EP400: variants seen among roughly 807,000 people sequenced by gnomAD.
EP400 encodes the protein E1A binding protein p400.
A neutral mutation model predicts 354.1 loss-of-function variants in EP400; 105 were observed. That is an observed-to-expected ratio of 0.30 (90% CI 0.25 to 0.35). The LOEUF is 0.35. Ranked by LOEUF, EP400 falls within the 10% of genes least tolerant of loss-of-function variation. EP400 has a pLI of 1.00. For synonymous variants in EP400, 1,646 were observed against 1,716.9 expected, an observed-to-expected ratio of 0.96 and a Z score of 1.02; for missense variants, 3,280 against 4,121.0, an observed-to-expected ratio of 0.80 and a Z score of 5.59.
Position 131,950,046 on chromosome 12 carries a change from G to A in EP400, c.-36+10G>A, listed in dbSNP as rs1405003063. On this transcript the variant is annotated intron_variant, in intron 1 of 52. Coordinates refer to ENST00000389561, the MANE Select transcript of EP400 (RefSeq NM_015409.5). ...AGCCCTGAGGCCCAGGGTAAGTGAGGGCGGAGGCGCGGGACGGGGGCGGGA... is the reference window on the plus strand; with the variant it reads ...AGCCCTGAGGCCCAGGGTAAGTGAGAGCGGAGGCGCGGGACGGGGGCGGGA... The A allele has an allele frequency of 6.6e-6, 1 of 151,876 alleles. No individual in the cohort carries two copies. The highest frequency in any genetic ancestry group is 1.5e-5 in the Non-Finnish European group (1 of 67,944). 9.4% of individuals were successfully genotyped at this position (151,876 alleles called of 1,614,324 possible).
At chr12:132,059,044 T>C (rs868091028) in intron 45 of EP400, among the ~76,000 whole-genome samples, 53 of 151,906 alleles carry the variant, frequency 3.5e-4, no homozygotes, top group African/African-American at 1.3e-3. Context: ...TAAAAATTTT[T>C]AAAGCTTCAA....
rs542519203 is a variant in EP400, at chr12:131,966,038, CAAAAAAAA to C, written c.1335+4092_1335+4099del. Among the ~76,000 whole-genome samples, 47 of 108,794 alleles carry C rather than the reference CAAAAAAAA, an allele frequency of 4.3e-4. 1 individual carries two copies. The highest frequency in any genetic ancestry group is 4.0e-3 in the Admixed American group (42 of 10,542). The allele number at this position is 108,794 out of a possible 152,430, so 71.4% of individuals were successfully genotyped here. On this transcript the variant is annotated intron_variant, in intron 2 of 52. Transcript: ENST00000389561. Reference sequence around the variant, plus strand: ...GTTTGGGTGGCTGGCTGGCTGATTTCAAAAAAAAAAAAAAAGAAAAACTAGGAATCAGA... The same window carrying C: ...GTTTGGGTGGCTGGCTGGCTGATTTCAAAAAAAGAAAAACTAGGAATCAGA...
chr12:131,973,651 T>A (rs1892373100), intron 2 of EP400, among the ~76,000 whole-genome samples: 1 of 152,054 alleles, frequency 6.6e-6, no homozygotes, highest in African/African-American at 2.4e-5. Flanking sequence ...TCAAAAAAAA[T>A]AAGACAGAGT....
Position 132,068,270 on chromosome 12 carries a change from G to C in EP400, c.8874+784G>C, listed in dbSNP as rs1895960337. On this transcript the variant is annotated intron_variant, in intron 50 of 52. Transcript: ENST00000389561. ...GGGAAGCCACATGGCTGTGTGGGGA[G>C]CTGCCCTGTTCCCTGAGCGCTGTGC... The C allele has an allele frequency of 2.0e-5, 3 of 152,622 alleles. No individual in the cohort carries two copies. The South Asian group carries it at 6.2e-4, about 32-fold the overall frequency. 9.5% of individuals were successfully genotyped at this position (152,622 alleles called of 1,614,324 possible). A position where few individuals can be genotyped will look rare whatever the true frequency, so the allele number is the denominator to read the frequency against.
chr12:131,961,976 GT>G, intron 2 of EP400, 22 bp downstream of exon 2: 1 of 1,594,118 alleles, frequency 6.3e-7, no homozygotes, highest in Non-Finnish European at 8.5e-7. Context: ...GAGTTAATTT[GT>G]TTAGTACAAA....
chr12:131,990,431 T>A lies in EP400; in HGVS notation c.2551-205T>A, dbSNP rs1892995822. Reference sequence around the variant, plus strand: ...GGTCGCTCGCTCACTTGCTTTCCTTTTTTGAAATTTTAATTCTTACCTCAC... The same window carrying A: ...GGTCGCTCGCTCACTTGCTTTCCTTATTTGAAATTTTAATTCTTACCTCAC... On this transcript the variant is annotated intron_variant, in intron 8 of 52. Transcript: ENST00000389561. This position sits in a 1 kb window ranked among gnomAD's most constrained non-coding sequence, Gnocchi z 4.2. Among the ~76,000 whole-genome samples, 1 of 152,178 alleles carries A rather than the reference T, an allele frequency of 6.6e-6. No individual in the cohort carries two copies. Among genetic ancestry groups the A allele is most frequent in the Non-Finnish European group, 1.5e-5 (1 of 68,030 alleles).
At chr12:132,077,094 A>G (rs1325803556) in intron 52 of EP400, among the ~76,000 whole-genome samples, 1 of 152,278 alleles carries the variant, frequency 6.6e-6, no homozygotes, top group African/African-American at 2.4e-5. Context: ...ACACTGGCAT[A>G]TAGATTTCAA....
Position 131,960,707 on chromosome 12 carries a change from G to GACCCCCCCCCCCCCCC in EP400, c.88_89insACCCCCCCCCCCCCCC (p.Ala30AspfsTer40). ...TGGCAGCGAGGGTGAGGAGCAGCCG[G>GACCCCCCCCCCCCCCC]CCCACCCCAACCCACCCCCGTCCCC... On this transcript the variant is annotated frameshift_variant, in exon 2 of 53. Transcript: ENST00000389561. LOFTEE classifies it high-confidence loss of function. The GACCCCCCCCCCCCCCC allele has an allele frequency of 1.3e-6, 2 of 1,545,590 alleles. No homozygotes were observed. Among genetic ancestry groups the GACCCCCCCCCCCCCCC allele is most frequent in the South Asian group, 1.2e-5 (1 of 83,348 alleles).
chr12:132,058,471 C>T (rs1454010466), intron 45 of EP400, among the ~76,000 whole-genome samples: 1 of 151,748 alleles, frequency 6.6e-6, no homozygotes, highest in Non-Finnish European at 1.5e-5. Context: ...TCTGCCTCAG[C>T]CTCCTGAGTA....
chr12:132,041,956 CT>C (rs60120894), intron 32 of EP400, among the ~76,000 whole-genome samples: 170 of 132,838 alleles, frequency 1.3e-3, no homozygotes, highest in Non-Finnish European at 1.4e-3. Context: ...TTTTCTTTTT[CT>C]TTTTTTTTTT....
chr12:132,021,220 G>T lies in EP400; in HGVS notation c.4589G>T (p.Gly1530Val). 6.3e-7 allele frequency: 1 copy of T among 1,587,430 alleles called. No homozygotes were observed. The change falls in exon 23 of 53, where the codon GGC becomes GTC. Residue 1530 changes from glycine (G) to valine (V), a missense_variant. Physicochemically the swap from Gly to Val is moderately radical, Grantham distance 109. This residue lies in a region of EP400 where 342 missense variants were observed against 342.7 expected (regional missense o/e 1.00). Transcript: ENST00000389561. Reference sequence around the variant, plus strand: ...ACCACAGCACAGGCCTCCACCCCAGGCCAGCCCCCGCCCCAGCCCCAGGCC... The same window carrying T: ...ACCACAGCACAGGCCTCCACCCCAGTCCAGCCCCCGCCCCAGCCCCAGGCC... ...AQTTAQASTP[G>V]QPPPQPQAPS...
chr12:132,009,094 G>A (rs1340709656), intron 15 of EP400, among the ~76,000 whole-genome samples: 3 of 149,554 alleles, frequency 2.0e-5, no homozygotes, highest in African/African-American at 7.4e-5. Flanking sequence ...ACAAAAAACT[G>A]GCTAAGTTTT....
Position 131,960,760 on chromosome 12 carries a change from C to T in EP400, c.141C>T (p.Ser47=), listed in dbSNP as rs1291720928. The T allele has an allele frequency of 4.4e-6, 7 of 1,609,132 alleles. No homozygotes were observed. The African/African-American group carries it at 8.2e-5, about 19-fold the overall frequency. Reference sequence around the variant, plus strand: ...CAGCTCCCTTCGCTCCCTCAGCAAGCCCGTCGGCACCCCAGTCTCCCAGTT... The same window carrying T: ...CAGCTCCCTTCGCTCCCTCAGCAAGTCCGTCGGCACCCCAGTCTCCCAGTT... The part of the protein sequence containing the change: ...SPAAPFAPSA[S]PSAPQSPSYQ... The change falls in exon 2 of 53, where the codon AGC becomes AGT. Residue 47 remains serine (S), a synonymous_variant. Coordinates refer to ENST00000389561, the MANE Select transcript of EP400 (RefSeq NM_015409.5).
intron 12 of EP400, among the ~76,000 whole-genome samples, chr12:132,000,768 C>G (rs578081360): frequency 6.6e-6 from 1 of 152,264 alleles, no homozygotes; most frequent in African/African-American, 2.4e-5. Context: ...CTTTTGTTAA[C>G]CCATTGATTA....
intron 30 of EP400, among the ~76,000 whole-genome samples, chr12:132,036,592 G>T (rs572566209): frequency 1.3e-5 from 2 of 152,274 alleles, no homozygotes; most frequent in Admixed American, 1.3e-4. Context: ...CCGCGGAAGC[G>T]CACACTGTCA....
intron 50 of EP400, chr12:132,069,220 A>C: frequency 4.8e-6 from 2 of 415,408 alleles, no homozygotes; most frequent in Non-Finnish European, 8.7e-6. Flanking sequence ...CAGCCCGACT[A>C]TTCAGGGAGC....
chr12:131,950,420 T>C (rs1891428108), intron 1 of EP400, among the ~76,000 whole-genome samples: 1 of 152,252 alleles, frequency 6.6e-6, no homozygotes, highest in Non-Finnish European at 1.5e-5. Flanking sequence ...CTCTTGCTCC[T>C]GGCGCTTGCG....
chr12:132,028,483 C>A (rs1240779557), intron 27 of EP400, among the ~76,000 whole-genome samples, 195 bp downstream of exon 27: 1 of 152,166 alleles, frequency 6.6e-6, no homozygotes. Flanking sequence ...GGTCTCAGTG[C>A]CAGGTGCGGC....
In EP400 at chr12:132,052,607, A is replaced by G. The variant is rs1042243970; in HGVS notation, c.7395-539A>G. 6.6e-6 allele frequency among the ~76,000 whole-genome samples: 1 copy of G among 152,218 alleles called. No individual in the cohort carries two copies. The highest frequency in any genetic ancestry group is 1.5e-5 in the Non-Finnish European group (1 of 68,042). On this transcript the variant is annotated intron_variant, in intron 41 of 52. Coordinates refer to ENST00000389561, the MANE Select transcript of EP400 (RefSeq NM_015409.5). The surrounding 1 kb of genome is among the most constrained non-coding windows in gnomAD (Gnocchi z 4.4). ...TTTGTCGTCTGATGTGAGTGCTGTG[A>G]TCGCTGGGACTCTAGCGTCTGGGAG...
Sources: gnomAD v4.1 joint callset for allele counts (sites outside exome capture counted in the v4.1 genomes callset) on GRCh38, gnomAD v4.1.1 for gene constraint, gnomAD v4.1.1 regional missense constraint, Gnocchi (gnomAD v3.1) non-coding constraint, MANE v1.5 for transcripts, NCBI Gene and HGNC (gene_info 2026-07-23, HGNC 2026-07-21) for gene names.